Variants in ABLIM1 observed in about 807,000 individuals in gnomAD.
ABLIM1 encodes the protein actin-binding LIM protein 1.
ABLIM1 carries 40 observed loss-of-function variants against 107.0 expected under a neutral mutation model. The ratio of observed to expected loss-of-function variants is 0.37; its 90% CI spans 0.29 to 0.49. The LOEUF (loss-of-function observed/expected upper bound fraction) is 0.49, where lower values mean the gene tolerates loss of function less well. ABLIM1 is among the 20% of genes least tolerant of loss of function. ABLIM1 has a pLI of 0.97. For missense variants in ABLIM1, 857 were observed against 1,008.5 expected (o/e 0.85, Z 2.04); for synonymous variants, 357 against 357.3 (o/e 1.00, Z 0.01).
At chr10:114,523,688 A>T (rs1429125196) in intron 6 of ABLIM1, among the ~76,000 whole-genome samples, 1 of 152,156 alleles carries the variant, frequency 6.6e-6, no homozygotes, top group Non-Finnish European at 1.5e-5. Context: ...TGGTGACTGG[A>T]TTTGTCCTCT....
At chr10:114,598,601 AAATAAAAACAAAAAC>A (rs1211078433) in intron 2 of ABLIM1, among the ~76,000 whole-genome samples, 1 of 15,562 alleles carries the variant, frequency 6.4e-5, no homozygotes, top group Non-Finnish European at 1.5e-4. Flanking sequence ...AAACAAAACA[AAATAAAAACAAAAAC>A]AAACAAAAAA....
At chr10:114,787,014 G>A in the ABLIM1 span, among the ~76,000 whole-genome samples, 19 of 150,828 alleles carry the variant, frequency 1.3e-4, no homozygotes, top group African/African-American at 2.2e-4. Flanking sequence ...AGTGAGGAGC[G>A]TCTCTGCCCA....
chr10:114,620,571 A>T (rs2077405298), intron 1 of ABLIM1, among the ~76,000 whole-genome samples: 2 of 151,994 alleles, frequency 1.3e-5, no homozygotes, highest in South Asian at 4.2e-4. Flanking sequence ...CATCAGGCCC[A>T]GCTAATTTTT....
chr10:114,470,421 C>CA (rs10608392), intron 10 of ABLIM1, among the ~76,000 whole-genome samples: 1,184 of 88,848 alleles, frequency 0.013, 20 homozygotes, highest in African/African-American at 0.035. Flanking sequence ...GACTCCACCT[C>CA]AAAAAAAAAA....
At chr10:114,721,884 C>T (rs1459205444) in intron 1 of ABLIM1, among the ~76,000 whole-genome samples, 1 of 152,026 alleles carries the variant, frequency 6.6e-6, no homozygotes, top group Non-Finnish European at 1.5e-5. Flanking sequence ...TTTTTTTGGG[C>T]ACCAGTGGGA....
In ABLIM1 at chr10:114,484,384, CTTT is replaced by C. The variant is rs2057863753; in HGVS notation, c.1041+3571_1041+3573del. On this transcript the variant is annotated intron_variant, in intron 8 of 22. Coordinates refer to ENST00000533213, the MANE Select transcript of ABLIM1 (RefSeq NM_002313.7). ...TTTCTTCCTTTCCCACTTCACTGTT[CTTT>C]TGTTTTTTTTCTTGAGACAGAGTCT... is the stretch of plus-strand genomic sequence containing the variant. 4.6e-5 allele frequency among the ~76,000 whole-genome samples: 7 copies of C among 152,112 alleles called. No homozygotes were observed. In the South Asian group the frequency reaches 1.5e-3, roughly 32 times the overall value.
chr10:114,570,057 G>A (rs372650841), intron 4 of ABLIM1, among the ~76,000 whole-genome samples: 21 of 152,258 alleles, frequency 1.4e-4, no homozygotes, highest in African/African-American at 4.8e-4. Context: ...GAATTTCTCT[G>A]GTGCAGAAGT....
intron 1 of ABLIM1, among the ~76,000 whole-genome samples, chr10:114,733,578 C>T (rs1045533361): frequency 6.6e-6 from 1 of 152,142 alleles, no homozygotes; most frequent in Non-Finnish European, 1.5e-5. Flanking sequence ...ATAAATCCTT[C>T]AAGATGTCAC....
At chr10:114,713,313 A>T (rs2081591711) in intron 1 of ABLIM1, among the ~76,000 whole-genome samples, 1 of 152,196 alleles carries the variant, frequency 6.6e-6, no homozygotes, top group South Asian at 2.1e-4. Flanking sequence ...ATGGAATGGC[A>T]AAGATCCCAC....
At position 114,444,152 on chromosome 10, in the gene ABLIM1, G is replaced by GAAA. The variant is rs11338035; in HGVS notation, c.1828-21_1828-19dup. The GAAA allele has an allele frequency of 2.7e-4, 350 of 1,276,200 alleles. No individual in the cohort carries two copies. The highest frequency in any genetic ancestry group is 4.6e-4 in the South Asian group (31 of 67,018). 79.1% of individuals were successfully genotyped at this position (1,276,200 alleles called of 1,614,324 possible). ...GAGTTAAGCTATTCACAGAAAAAAG[G>GAAA]AAAAAAAAAAAAAAAAGAAAGCAAA... On this transcript the variant is annotated intron_variant, in intron 16 of 22. Coordinates refer to ENST00000533213, the MANE Select transcript of ABLIM1 (RefSeq NM_002313.7).
chr10:114,451,105 G>A (rs2061814506), intron 14 of ABLIM1, among the ~76,000 whole-genome samples: 1 of 152,198 alleles, frequency 6.6e-6, no homozygotes, highest in African/African-American at 2.4e-5. Flanking sequence ...TAGGGAGAAA[G>A]TGGGAGCAGA....
chr10:114,571,343 A>G lies in ABLIM1; in HGVS notation c.627T>C (p.Cys209=). The change falls in exon 4 of 23, where the codon TGT becomes TGC. Residue 209 remains cysteine, a synonymous_variant. Coordinates refer to ENST00000533213, the MANE Select transcript of ABLIM1 (RefSeq NM_002313.7). The stretch of plus-strand genomic sequence containing the variant: ...TCGGACTGGACGACATCGGCTGTGC[A>G]CAGAGTTGACAAAGGCAGTCTCTCC... ...FNGRDCLCQL[C]AQPMSSSPKE... The G allele has an allele frequency of 1.9e-6, 3 of 1,614,222 alleles. No homozygotes were observed. In the South Asian group the frequency reaches 3.3e-5, roughly 18 times the overall value.
intron 1 of ABLIM1, among the ~76,000 whole-genome samples, chr10:114,721,165 G>C (rs532772748): frequency 6.6e-6 from 1 of 152,216 alleles, no homozygotes; most frequent in Non-Finnish European, 1.5e-5. Flanking sequence ...GGTGGCACTG[G>C]AGGATTAACT....
exon 1 of ABLIM1, chr10:114,684,522 G>A (rs933088414): frequency 3.5e-6 from 5 of 1,411,948 alleles, no homozygotes; most frequent in Middle Eastern, 2.6e-4. Context: ...CACAGCCAGC[G>A]CAGGAAGAAT....
intron 4 of ABLIM1, among the ~76,000 whole-genome samples, chr10:114,565,845 A>C (rs1252408284): frequency 4.9e-5 from 6 of 121,422 alleles, no homozygotes; most frequent in African/African-American, 1.9e-4. Context: ...CCCAGGCTGG[A>C]GTGCAGTGGT....
At chr10:114,788,924 A>T in the ABLIM1 span, among the ~76,000 whole-genome samples, 11 of 152,212 alleles carry the variant, frequency 7.2e-5, no homozygotes, top group Non-Finnish European at 1.5e-4. Flanking sequence ...TTAACTGGGC[A>T]TTCTGTAGTT....
At chr10:114,519,327 T>C (rs1029434193) in intron 6 of ABLIM1, among the ~76,000 whole-genome samples, 1 of 152,188 alleles carries the variant, frequency 6.6e-6, no homozygotes, top group Non-Finnish European at 1.5e-5. Flanking sequence ...CCTAAGCAGG[T>C]ATCACCTTGA....
At chr10:114,738,708 C>G (rs533838145) in intron 1 of ABLIM1, among the ~76,000 whole-genome samples, 2 of 151,752 alleles carry the variant, frequency 1.3e-5, no homozygotes, top group Non-Finnish European at 2.9e-5. Context: ...GCCTCAAAAC[C>G]GAAACAAATA....
chr10:114,443,403 C>T (rs1255225181), intron 17 of ABLIM1, among the ~76,000 whole-genome samples: 2 of 150,432 alleles, frequency 1.3e-5, no homozygotes, highest in Non-Finnish European at 3.0e-5. Context: ...ACCTCCACCT[C>T]CCAGGTTCAA....
Sources: allele counts gnomAD v4.1 joint callset (sites outside exome capture counted in the v4.1 genomes callset), GRCh38; gene constraint gnomAD v4.1.1; transcripts MANE v1.5; gene names NCBI Gene and HGNC (gene_info 2026-07-23, HGNC 2026-07-21).